Variants in DYRK1A observed in about 807,000 individuals in gnomAD.
DYRK1A encodes the protein dual specificity tyrosine phosphorylation regulated kinase 1A, also known as dual specificity tyrosine-phosphorylation-regulated kinase 1A.
In DYRK1A, 9 loss-of-function variants were observed where a neutral mutation model predicts 79.7. The ratio of observed to expected loss-of-function variants is 0.11; its 90% CI spans 0.07 to 0.20. The LOEUF is 0.20. Ranked by LOEUF, DYRK1A falls within the 10% of genes least tolerant of loss-of-function variation. The pLI, the probability that DYRK1A is intolerant of heterozygous loss-of-function variation, is 1.00. For missense variants in DYRK1A, 622 were observed against 956.0 expected, an observed-to-expected ratio of 0.65 and a Z score of 4.61; for synonymous variants, 349 against 329.7, an observed-to-expected ratio of 1.06 and a Z score of -0.63.
chr21:37,412,456 A>G (rs965085070), intron 1 of DYRK1A, among the ~76,000 whole-genome samples: 4 of 152,194 alleles, frequency 2.6e-5, no homozygotes, highest in Admixed American at 2.6e-4. Flanking sequence ...AACAAAACAC[A>G]TATTCTTAGG....
chr21:37,460,783 T>A (rs2051814198), intron 2 of DYRK1A, among the ~76,000 whole-genome samples: 1 of 152,236 alleles, frequency 6.6e-6, no homozygotes, highest in African/African-American at 2.4e-5. Flanking sequence ...TTTTCATGAC[T>A]GCCAATAACT....
rs1243110262 is a variant in DYRK1A at position 37,524,405 on chromosome 21, CAAAAAT to C, written c.*11880_*11885del. On this transcript the variant is annotated 3_prime_UTR_variant, in exon 12 of 12. Coordinates refer to ENST00000647188, the MANE Select transcript of DYRK1A (RefSeq NM_001347721.2). ...AATATCTCATCACAGAATTTATTCA[CAAAAAT>C]AAAAAATGAAAATGAAGCTACAACC... The C allele has an allele frequency of 1.3e-5, 2 of 152,062 alleles. No homozygotes were observed. The highest frequency in any genetic ancestry group is 2.9e-5 in the Non-Finnish European group (2 of 68,008). 9.4% of individuals were successfully genotyped at this position (152,062 alleles called of 1,614,324 possible).
At chr21:37,391,325 T>C (rs2049866251) in intron 1 of DYRK1A, among the ~76,000 whole-genome samples, 6 of 150,844 alleles carry the variant, frequency 4.0e-5, no homozygotes, top group Admixed American at 3.9e-4. Flanking sequence ...CATCTTCAAC[T>C]GTAGACACTT....
At chr21:37,403,107 A>AT (rs956807723) in intron 1 of DYRK1A, among the ~76,000 whole-genome samples, 4 of 151,264 alleles carry the variant, frequency 2.6e-5, no homozygotes, top group Admixed American at 6.6e-5. Context: ...AAGTTTGCTG[A>AT]TTTTTTTTCC....
chr21:37,485,295 A>C (rs921237708), intron 5 of DYRK1A, among the ~76,000 whole-genome samples: 1 of 152,214 alleles, frequency 6.6e-6, no homozygotes, highest in African/African-American at 2.4e-5. Flanking sequence ...TGCAGTCAGT[A>C]CATCCAGTGA....
rs1049756 is a variant in DYRK1A, at chr21:37,472,768, G to C, written c.95G>C (p.Gly32Ala). Reference sequence around the variant, plus strand: ...CATGCTGCTGGCCTTCAGATGGCTGGACAGATGCCCCATTCACATCAGTAC... The same window carrying C: ...CATGCTGCTGGCCTTCAGATGGCTGCACAGATGCCCCATTCACATCAGTAC... ...SFHAAGLQMA[G>A]QMPHSHQYSD... Residue 32 changes from glycine (G) to alanine (A), a missense_variant, in exon 3 of 12, where the codon GGA becomes GCA. Around this residue, in one of 5 missense-constraint regions of DYRK1A, gnomAD observed 91 missense variants for 113.8 expected, o/e 0.80. Coordinates refer to ENST00000647188, the MANE Select transcript of DYRK1A (RefSeq NM_001347721.2). 6.2e-7 allele frequency: 1 copy of C among 1,613,150 alleles called. No individual in the cohort carries two copies. The highest frequency in any genetic ancestry group is 1.3e-5 in the African/African-American group (1 of 75,020).
intron 1 of DYRK1A, among the ~76,000 whole-genome samples, chr21:37,416,643 A>T (rs900497565): frequency 2.0e-5 from 3 of 152,066 alleles, no homozygotes; most frequent in African/African-American, 7.2e-5. Flanking sequence ...TTTATAAGAG[A>T]ATGTTAGTTA....
In DYRK1A at chr21:37,472,720, G is replaced by T. The variant is rs1057175147; in HGVS notation, c.47G>T (p.Arg16Leu). 1 of 1,608,570 alleles carries T rather than the reference G, an allele frequency of 6.2e-7. No homozygotes were observed. Among genetic ancestry groups the T allele is most frequent in the African/African-American group, 1.3e-5 (1 of 74,728 alleles). The part of the protein sequence containing the change: ...ETSACKPSSV[R>L]LAPSFSFHAA... Reference sequence around the variant, plus strand: ...TCAGCATGCAAACCTTCATCTGTTCGGCTTGCACCGTCATTTTCATTCCAT... The same window carrying T: ...TCAGCATGCAAACCTTCATCTGTTCTGCTTGCACCGTCATTTTCATTCCAT... Residue 16 changes from arginine (R) to leucine (L), a missense_variant, in exon 3 of 12, where the codon CGG (arginine) becomes CTG (leucine). Around this residue, in one of 5 missense-constraint regions of DYRK1A, gnomAD observed 91 missense variants for 113.8 expected, o/e 0.80. Coordinates refer to ENST00000647188, the MANE Select transcript of DYRK1A (RefSeq NM_001347721.2).
At chr21:37,410,992 C>T (rs1457166484) in intron 1 of DYRK1A, among the ~76,000 whole-genome samples, 3 of 138,514 alleles carry the variant, frequency 2.2e-5, no homozygotes, top group African/African-American at 5.4e-5. Context: ...GAAGTTTTAG[C>T]GAGCTGAGAT....
At chr21:37,380,929 AC>A (rs997428825) in intron 1 of DYRK1A, among the ~76,000 whole-genome samples, 1 of 151,988 alleles carries the variant, frequency 6.6e-6, no homozygotes, top group Non-Finnish European at 1.5e-5. Flanking sequence ...TGGGATCATC[AC>A]TTCTATCAGC....
rs117572477 is a variant in DYRK1A, at chr21:37,395,259, C to T, written c.-76-25040C>T. Among the ~76,000 whole-genome samples, 8 of 152,290 alleles carry T rather than the reference C, an allele frequency of 5.3e-5. No individual in the cohort carries two copies. In the South Asian group the frequency reaches 1.0e-3, roughly 20 times the overall value. On this transcript the variant is annotated intron_variant, in intron 1 of 11. Transcript: ENST00000647188. ...TTTAACCTAACTAGGCTAACTATAC[C>T]TAAGTATCTTAGCAGAGGTTTGGAT...
intron 2 of DYRK1A, among the ~76,000 whole-genome samples, chr21:37,431,534 T>C (rs541440271): frequency 6.6e-6 from 1 of 152,310 alleles, no homozygotes; most frequent in East Asian, 1.9e-4. Context: ...CTTCTGTCCT[T>C]GACCTTGTTC....
chr21:37,512,592 A>G lies in DYRK1A; in HGVS notation c.*61A>G. On this transcript the variant is annotated 3_prime_UTR_variant, in exon 12 of 12. Coordinates refer to ENST00000647188, the MANE Select transcript of DYRK1A (RefSeq NM_001347721.2). ...TTATAGAAGTGGTGTTTTTTTTCCA[A>G]AAACAAAGTGCAAAGCTGCTTGAAT... The G allele has an allele frequency of 6.4e-7, 1 of 1,567,722 alleles. No homozygotes were observed. The highest frequency in any genetic ancestry group is 2.3e-5 in the East Asian group (1 of 44,420).
In DYRK1A at chr21:37,519,187, A is replaced by C. The variant is rs752322630; in HGVS notation, c.*6656A>C. On this transcript the variant is annotated 3_prime_UTR_variant, in exon 12 of 12. Coordinates refer to ENST00000647188, the MANE Select transcript of DYRK1A (RefSeq NM_001347721.2). ...ATTTCCCAACAGTGGGAATGGAATT[A>C]GTTCCTTTATATCTCAGTCTCATCT... is the stretch of plus-strand genomic sequence containing the variant. 1.3e-5 allele frequency: 2 copies of C among 152,198 alleles called. No individual in the cohort carries two copies. Among genetic ancestry groups the C allele is most frequent in the African/African-American group, 4.8e-5 (2 of 41,432 alleles). 9.4% of individuals were successfully genotyped at this position (152,198 alleles called of 1,614,324 possible). A position where few individuals can be genotyped will look rare whatever the true frequency, so the allele number is the denominator to read the frequency against.
intron 1 of DYRK1A, among the ~76,000 whole-genome samples, chr21:37,411,402 A>G (rs2050243072): frequency 7.0e-6 from 1 of 143,578 alleles, no homozygotes; most frequent in Non-Finnish European, 1.5e-5. Context: ...TACTACATGA[A>G]GGTTTGTAGT....
chr21:37,501,237 C>T (rs1453671347), intron 9 of DYRK1A: 1 of 127,044 alleles, frequency 7.9e-6, no homozygotes, highest in Admixed American at 9.3e-5. Context: ...GTGGTGTGAT[C>T]TCGGCTCACT....
chr21:37,478,610 CAAG>C (rs1208700869), intron 4 of DYRK1A, among the ~76,000 whole-genome samples: 1 of 151,436 alleles, frequency 6.6e-6, no homozygotes, highest in Non-Finnish European at 1.5e-5. Flanking sequence ...TTATTCAAAA[CAAG>C]AAAGGGGAAT....
At chr21:37,382,228 A>T (rs894662383) in intron 1 of DYRK1A, among the ~76,000 whole-genome samples, 3 of 151,580 alleles carry the variant, frequency 2.0e-5, no homozygotes, top group African/African-American at 7.3e-5. Context: ...TAAAAAAAAA[A>T]ATTAAATTTT....
In DYRK1A at chr21:37,518,597, G is replaced by A. The variant is rs1360374258; in HGVS notation, c.*6066G>A. 2 of 151,284 alleles carry A rather than the reference G, an allele frequency of 1.3e-5. No individual in the cohort carries two copies. The highest frequency in any genetic ancestry group is 1.3e-4 in the Admixed American group (2 of 15,184). 9.4% of individuals were successfully genotyped at this position (151,284 alleles called of 1,614,324 possible). A position where few individuals can be genotyped will look rare whatever the true frequency, so the allele number is the denominator to read the frequency against. Reference sequence around the variant, plus strand: ...GAAGAGGCGTGTGGCTAATATGACGGAAGTCTGAATCCAAGGACTTTTTTT... The same window carrying A: ...GAAGAGGCGTGTGGCTAATATGACGAAAGTCTGAATCCAAGGACTTTTTTT... On this transcript the variant is annotated 3_prime_UTR_variant, in exon 12 of 12. Transcript: ENST00000647188.
Sources: allele counts gnomAD v4.1 joint callset (sites outside exome capture counted in the v4.1 genomes callset), GRCh38; gene constraint gnomAD v4.1.1; regional missense constraint gnomAD v4.1.1; transcripts MANE v1.5; gene names NCBI Gene and HGNC (gene_info 2026-07-23, HGNC 2026-07-21).